The following SMAD6 variants were observed in gnomAD, a reference collection of about 807,000 sequenced individuals.
SMAD6 encodes the protein SMAD family member 6, also known as MAD homolog 6.
A neutral mutation model predicts 39.4 loss-of-function variants in SMAD6; 103 were observed. The observed-to-expected ratio is 2.62, with a 90% confidence interval of 2.23 to 3.08. The LOEUF (loss-of-function observed/expected upper bound fraction) is 3.08. Among genes scored for constraint, SMAD6 ranks in the 30% most tolerant of loss-of-function variants. The pLI is 0.00. For missense variants in SMAD6, 1,104 were observed against 742.9 expected (o/e 1.49, Z -5.65); for synonymous variants, 445 against 353.3 (o/e 1.26, Z -2.91).
intron 3 of SMAD6, among the ~76,000 whole-genome samples, chr15:66,728,087 A>C (rs1320309156): frequency 6.6e-6 from 1 of 152,244 alleles, no homozygotes; most frequent in East Asian, 1.9e-4. Context: ...TCCCGAACTC[A>C]GGTGATCCAC....
chr15:66,767,072 CTTCT>C (rs1894300984), intron 3 of SMAD6, among the ~76,000 whole-genome samples: 1 of 152,194 alleles, frequency 6.6e-6, no homozygotes, highest in South Asian at 2.1e-4. Context: ...AATGATTCAA[CTTCT>C]TCAAGATGCT....
At chr15:66,730,114 C>T (rs1221849593) in intron 3 of SMAD6, among the ~76,000 whole-genome samples, 2 of 152,142 alleles carry the variant, frequency 1.3e-5, no homozygotes, top group East Asian at 1.9e-4. Flanking sequence ...GCATGGTGTG[C>T]GGATTCTCTG....
intron 3 of SMAD6, among the ~76,000 whole-genome samples, chr15:66,717,738 A>G (rs12907408): frequency 0.25 from 37,372 of 151,986 alleles, 4,905 homozygotes; most frequent in Admixed American, 0.4. Context: ...CTTGCCATAC[A>G]GGGTCCCACA....
intron 3 of SMAD6, among the ~76,000 whole-genome samples, chr15:66,761,297 G>A (rs1894194602): frequency 6.6e-6 from 1 of 152,208 alleles, no homozygotes; most frequent in Non-Finnish European, 1.5e-5. Context: ...GGTGTGCAGA[G>A]ACTTTCTGGA....
intron 3 of SMAD6, among the ~76,000 whole-genome samples, chr15:66,763,634 C>T (rs1894241882): frequency 6.6e-6 from 1 of 152,224 alleles, no homozygotes; most frequent in African/African-American, 2.4e-5. Context: ...CCCAGCTTAT[C>T]TGGGGCCCCT....
At chr15:66,779,820 C>T (rs1228591597) in intron 3 of SMAD6, among the ~76,000 whole-genome samples, 1 of 152,238 alleles carries the variant, frequency 6.6e-6, no homozygotes, top group Non-Finnish European at 1.5e-5. Flanking sequence ...TGTGTGGAAG[C>T]AGGCATGGCA....
At chr15:66,748,484 G>T (rs1022626429) in intron 3 of SMAD6, among the ~76,000 whole-genome samples, 11 of 152,292 alleles carry the variant, frequency 7.2e-5, no homozygotes, top group African/African-American at 2.6e-4. Flanking sequence ...GCAGCTAAGG[G>T]CATTGGGTTA....
At chr15:66,718,111 C>CAT (rs141830522) in intron 3 of SMAD6, among the ~76,000 whole-genome samples, 3 of 137,158 alleles carry the variant, frequency 2.2e-5, no homozygotes, top group Admixed American at 7.2e-5. Flanking sequence ...ATGGAAAGTC[C>CAT]GTGTGTGTGT....
chr15:66,736,310 G>T (rs551894239), intron 3 of SMAD6, among the ~76,000 whole-genome samples: 16 of 152,222 alleles, frequency 1.1e-4, no homozygotes, highest in African/African-American at 3.9e-4. Flanking sequence ...TCCAATACTG[G>T]GGACATACGC....
chr15:66,723,761 A>G (rs771502618), intron 3 of SMAD6, among the ~76,000 whole-genome samples: 25 of 152,260 alleles, frequency 1.6e-4, no homozygotes, highest in Non-Finnish European at 2.9e-4. Context: ...TGCCAGTGGC[A>G]GATGATAGAA....
chr15:66,781,189 G>C lies in SMAD6; in HGVS notation c.1145G>C (p.Arg382Pro). 6.2e-7 allele frequency: 1 copy of C among 1,607,892 alleles called. No individual in the cohort carries two copies. Among genetic ancestry groups the C allele is most frequent in the Non-Finnish European group, 8.5e-7 (1 of 1,179,738 alleles). ...GAGCAGCGCAGCGAGTCGGTGCGGC[G>C]AACGCGCAGCAAGATCGGCTTCGGC... ...NLEQRSESVR[R>P]TRSKIGFGIL... The change falls in exon 4 of 4, where the codon CGA (arginine) becomes CCA (proline). Residue 382 changes from arginine (R) to proline (P), a missense_variant. By Grantham distance (103) the Arg-to-Pro change is moderately radical. Transcript: ENST00000288840.
intron 2 of SMAD6, among the ~76,000 whole-genome samples, chr15:66,714,195 C>CA (rs1348027224): frequency 6.6e-6 from 1 of 152,146 alleles, no homozygotes; most frequent in Non-Finnish European, 1.5e-5. Context: ...GATAAAGCAG[C>CA]AAAAATCAGG....
intron 3 of SMAD6, among the ~76,000 whole-genome samples, chr15:66,734,602 A>G (rs561185692): frequency 1.3e-5 from 2 of 152,332 alleles, no homozygotes; most frequent in Admixed American, 1.3e-4. Flanking sequence ...AGATAAAGAA[A>G]CTGAGGCTCA....
intron 3 of SMAD6, among the ~76,000 whole-genome samples, chr15:66,774,941 A>G (rs1043299068): frequency 2.1e-4 from 32 of 151,892 alleles, no homozygotes; most frequent in African/African-American, 7.5e-4. Flanking sequence ...GGCTCACTGC[A>G]GCGTCCGCCT....
chr15:66,776,969 C>T (rs559856503), intron 3 of SMAD6, among the ~76,000 whole-genome samples: 13 of 152,126 alleles, frequency 8.5e-5, no homozygotes, highest in African/African-American at 1.9e-4. Context: ...CCTGGGAGGT[C>T]GAGGCCGCAG....
chr15:66,757,948 G>A (rs116893464), intron 3 of SMAD6, among the ~76,000 whole-genome samples: 1,689 of 152,320 alleles, frequency 0.011, 9 homozygotes, highest in Non-Finnish European at 0.018. Context: ...GCACTTTCCC[G>A]TGGCCACCAG....
chr15:66,721,175 C>G lies in SMAD6; in HGVS notation c.952+4677C>G, dbSNP rs1893424990. Among the ~76,000 whole-genome samples, 4 of 152,110 alleles carry G rather than the reference C, an allele frequency of 2.6e-5. No homozygotes were observed. The South Asian group carries it at 8.3e-4, about 32-fold the overall frequency. Reference sequence around the variant, plus strand: ...GCTCAGAGCCATACAGCAAGCAGAGCAGCGTGGACCCACCTAGGGTTGCAA... The same window carrying G: ...GCTCAGAGCCATACAGCAAGCAGAGGAGCGTGGACCCACCTAGGGTTGCAA... On this transcript the variant is annotated intron_variant, in intron 3 of 3. Transcript: ENST00000288840.
intron 3 of SMAD6, chr15:66,740,554 T>C (rs1374103209): frequency 6.6e-6 from 1 of 152,230 alleles, no homozygotes; most frequent in Non-Finnish European, 1.5e-5. Flanking sequence ...TGGTGTTTCT[T>C]CTGTAAAATA....
chr15:66,777,047 A>C (rs935274885), intron 3 of SMAD6, among the ~76,000 whole-genome samples: 1 of 152,210 alleles, frequency 6.6e-6, no homozygotes, highest in Admixed American at 6.5e-5. Flanking sequence ...AAACAAAAAC[A>C]AAAACGAAGC....
Sources: allele counts gnomAD v4.1 joint callset (sites outside exome capture counted in the v4.1 genomes callset), GRCh38; gene constraint gnomAD v4.1.1; transcripts MANE v1.5; gene names NCBI Gene and HGNC (gene_info 2026-07-23, HGNC 2026-07-21).